PSIP1: variants seen among roughly 807,000 people sequenced by gnomAD.
PSIP1 encodes the protein PC4 and SRSF1 interacting protein 1, also known as PC4 and SFRS1-interacting protein.
A neutral mutation model predicts 74.7 loss-of-function variants in PSIP1; 19 were observed. The observed-to-expected ratio is 0.25, with a 90% CI of 0.18 to 0.37. The LOEUF (loss-of-function observed/expected upper bound fraction) is 0.37. Ranked by LOEUF, PSIP1 falls within the 10% of genes least tolerant of loss-of-function variation. The probability of loss-of-function intolerance (pLI) is 1.00; values close to 1 mark genes in which losing one functional copy is unlikely to be tolerated. For synonymous variants in PSIP1, 222 were observed against 195.3 expected (o/e 1.14, Z -1.14); for missense variants, 601 against 614.3 (o/e 0.98, Z 0.23).
At position 15,490,079 on chromosome 9, in the gene PSIP1, C is replaced by T; in HGVS notation, c.195G>A (p.Lys65=). The change falls in exon 4 of 16, where the codon AAG becomes AAA. Residue 65 remains lysine, a synonymous_variant. Coordinates refer to ENST00000380733, the MANE Select transcript of PSIP1 (RefSeq NM_033222.5). The part of the protein sequence containing the change: ...PKDIFPYSEN[K]EKYGKPNKRK... Reference sequence around the variant, plus strand: ...TTTTATTTGGTTTGCCATACTTTTCCTTATTTTCTGAGTAAGGAAATATAT... The same window carrying T: ...TTTTATTTGGTTTGCCATACTTTTCTTTATTTTCTGAGTAAGGAAATATAT... The T allele has an allele frequency of 1.2e-6, 2 of 1,604,716 alleles. No individual in the cohort carries two copies. The highest frequency in any genetic ancestry group is 1.7e-6 in the Non-Finnish European group (2 of 1,175,900).
intron 4 of PSIP1, 134 bp downstream of exon 4, chr9:15,489,852 A>G (rs1420532034): frequency 2.9e-6 from 2 of 684,548 alleles, no homozygotes; most frequent in Non-Finnish European, 4.3e-6. Flanking sequence ...CCCAAGGTTC[A>G]ACCTCACAAA....
chr9:15,475,479 A>G (rs2036036654), intron 8 of PSIP1, among the ~76,000 whole-genome samples: 1 of 152,168 alleles, frequency 6.6e-6, no homozygotes, highest in Non-Finnish European at 1.5e-5. Context: ...TAAAAATACA[A>G]ATACCATTTG....
intron 1 of PSIP1, 133 bp from the exon 2 acceptor site, chr9:15,510,462 G>C (rs1385033455): frequency 2.6e-6 from 1 of 385,624 alleles, no homozygotes; most frequent in Admixed American, 4.8e-5. Flanking sequence ...CCCCGCCAGT[G>C]CGCTGCCTCC....
chr9:15,510,282 C>A lies in PSIP1; in HGVS notation c.-94G>T. 2.0e-6 allele frequency: 2 copies of A among 994,314 alleles called. No homozygotes were observed. Among genetic ancestry groups the A allele is most frequent in the South Asian group, 1.7e-5 (1 of 57,494 alleles). The allele number at this position is 994,314 out of a possible 1,614,324, so 61.6% of individuals were successfully genotyped here. ...GGGCGGCGGACGCGGGCCCAGCTAC[C>A]GGGCCCGCGGGCGGGGGAGGATGCC... On this transcript the variant is annotated 5_prime_UTR_variant, in exon 2 of 16. Coordinates refer to ENST00000380733, the MANE Select transcript of PSIP1 (RefSeq NM_033222.5).
At chr9:15,484,553 C>T (rs1312340823) in intron 6 of PSIP1, among the ~76,000 whole-genome samples, 5 of 151,878 alleles carry the variant, frequency 3.3e-5, no homozygotes, top group African/African-American at 9.7e-5. Context: ...GGTAAAACCT[C>T]ATCTCTCCTA....
At chr9:15,502,566 G>C (rs367835890) in intron 3 of PSIP1, among the ~76,000 whole-genome samples, 1 of 152,232 alleles carries the variant, frequency 6.6e-6, no homozygotes, top group African/African-American at 2.4e-5. Flanking sequence ...GTCCCAGTGT[G>C]CCCAACTTAG....
intron 5 of PSIP1, 88 bp downstream of exon 5, chr9:15,486,739 T>G: frequency 1.1e-6 from 1 of 892,088 alleles, no homozygotes; most frequent in Non-Finnish European, 1.8e-6. Context: ...CTTTAAAAAT[T>G]ACTTACTAAT....
At chr9:15,467,542 G>A (rs1003690647) in intron 14 of PSIP1, among the ~76,000 whole-genome samples, 2 of 152,164 alleles carry the variant, frequency 1.3e-5, no homozygotes, top group East Asian at 3.8e-4. Flanking sequence ...GAGTGAAATG[G>A]TATGTCAGGG....
chr9:15,468,619 T>G lies in PSIP1; in HGVS notation c.1420+11A>C. 6.2e-7 allele frequency: 1 copy of G among 1,612,840 alleles called. No individual in the cohort carries two copies. The highest frequency in any genetic ancestry group is 1.7e-5 in the Admixed American group (1 of 59,946). On this transcript the variant is annotated intron_variant, in intron 14 of 15. Transcript: ENST00000380733. ...AAACTGGTGTGAAATTGTTGGCTTT[T>G]TACCACATACCTGTTTGTTCCTTCT...
In PSIP1 at chr9:15,478,502, G is replaced by C. The variant is rs1404580057; in HGVS notation, c.604C>G (p.Gln202Glu). ...ATGTCACTCTCTGAAGGACAGGGCT[G>C]TTTTACCATTTTGGGTCTGCCTCTT... Reference protein sequence around the residue: ...KPRGRPKMVKQPCPSESDIIT... With the variant: ...KPRGRPKMVKEPCPSESDIIT... Residue 202 changes from glutamine (Q) to glutamate (E), a missense_variant, in exon 8 of 16, where the codon CAG (glutamine) becomes GAG (glutamate). Transcript: ENST00000380733. 6.2e-7 allele frequency: 1 copy of C among 1,603,252 alleles called. No individual in the cohort carries two copies.
intron 10 of PSIP1, chr9:15,472,350 G>A: frequency 1.7e-6 from 2 of 1,203,260 alleles, no homozygotes; most frequent in Non-Finnish European, 2.1e-6. Flanking sequence ...GGTTGAGGAT[G>A]AGTACACTTC....
Position 15,469,055 on chromosome 9 carries a change from C to T in PSIP1, c.1108G>A (p.Val370Met). Residue 370 changes from valine to methionine, a missense_variant, in exon 13 of 16, where the codon GTG becomes ATG. Coordinates refer to ENST00000380733, the MANE Select transcript of PSIP1 (RefSeq NM_033222.5). ...TCCAAGGCCTCAATGCATCTGTTCA[C>T]ATCCTTCATGACAAAACAGTAATTT... is the stretch of plus-strand genomic sequence containing the variant. ...KNSLKIDNLD[V>M]NRCIEALDEL... is the part of the protein sequence containing the mutation. 6.2e-7 allele frequency: 1 copy of T among 1,612,644 alleles called. No homozygotes were observed. Among genetic ancestry groups the T allele is most frequent in the Non-Finnish European group, 8.5e-7 (1 of 1,179,256 alleles).
At chr9:15,495,052 A>C (rs2037011984) in intron 3 of PSIP1, among the ~76,000 whole-genome samples, 1 of 152,198 alleles carries the variant, frequency 6.6e-6, no homozygotes, top group Non-Finnish European at 1.5e-5. Flanking sequence ...AAACCAAACA[A>C]GGCAAAAATA....
chr9:15,483,013 T>A (rs1468407984), intron 6 of PSIP1, among the ~76,000 whole-genome samples: 1 of 152,110 alleles, frequency 6.6e-6, no homozygotes. Flanking sequence ...CCTCTTAGAT[T>A]TTCTCTTGAC....
rs1306111541 is a variant in PSIP1, at chr9:15,465,143, A to ATTTGG, written c.*376_*377insCCAAA. Reference sequence around the variant, plus strand: ...TCCAAGGTTTGTAAAAACTATGCACAAAACCCACAGTATTTGGGAAAAGAG... The same window carrying ATTTGG: ...TCCAAGGTTTGTAAAAACTATGCACATTTGGAAACCCACAGTATTTGGGAAAAGAG... On this transcript the variant is annotated 3_prime_UTR_variant, in exon 16 of 16. Coordinates refer to ENST00000380733, the MANE Select transcript of PSIP1 (RefSeq NM_033222.5). 8.5e-6 allele frequency: 2 copies of ATTTGG among 235,998 alleles called. No homozygotes were observed. The highest frequency in any genetic ancestry group is 1.7e-5 in the Non-Finnish European group (2 of 120,222). 14.6% of individuals were successfully genotyped at this position (235,998 alleles called of 1,614,324 possible).
At chr9:15,475,007 C>T (rs377098632) in intron 8 of PSIP1, among the ~76,000 whole-genome samples, 1 of 152,092 alleles carries the variant, frequency 6.6e-6, no homozygotes, top group Non-Finnish European at 1.5e-5. Context: ...AGTTCAACCC[C>T]TTCCATTTGA....
At chr9:15,483,405 GTGCTC>G (rs1428240208) in intron 6 of PSIP1, among the ~76,000 whole-genome samples, 2 of 134,804 alleles carry the variant, frequency 1.5e-5, no homozygotes, top group African/African-American at 2.8e-5. Context: ...ACCTCTTAAA[GTGCTC>G]TTAAATCCCA....
Position 15,474,606 on chromosome 9 carries a change from T to C in PSIP1, c.630-369A>G, listed in dbSNP as rs555092186. Among the ~76,000 whole-genome samples the C allele has an allele frequency of 6.6e-5, 10 of 152,284 alleles. No individual in the cohort carries two copies. The East Asian group carries it at 1.5e-3, about 24-fold the overall frequency. On this transcript the variant is annotated intron_variant, in intron 8 of 15. Coordinates refer to ENST00000380733, the MANE Select transcript of PSIP1 (RefSeq NM_033222.5). ...CCAACTTAAGCATATGATAAATATATAGCCAATTAAGCATGTTTTCAGACA... is the reference window on the plus strand; with the variant it reads ...CCAACTTAAGCATATGATAAATATACAGCCAATTAAGCATGTTTTCAGACA...
chr9:15,496,569 GT>G (rs907196684), intron 3 of PSIP1, among the ~76,000 whole-genome samples: 11 of 152,148 alleles, frequency 7.2e-5, no homozygotes, highest in Admixed American at 3.9e-4. Context: ...CACTACAATT[GT>G]TTTTTATTCT....
Sources: allele counts gnomAD v4.1 joint callset (sites outside exome capture counted in the v4.1 genomes callset), GRCh38; gene constraint gnomAD v4.1.1; transcripts MANE v1.5; gene names NCBI Gene and HGNC (gene_info 2026-07-23, HGNC 2026-07-21).